DNAH7: variants seen among roughly 807,000 people sequenced by gnomAD.
The protein encoded by DNAH7 is dynein axonemal heavy chain 7, also known as axonemal beta dynein heavy chain 7.
In DNAH7, 397 loss-of-function variants were observed where a neutral mutation model predicts 444.6. That is an observed-to-expected ratio of 0.89 (90% CI 0.82 to 0.97). The LOEUF is 0.97. Among genes scored for constraint, DNAH7 ranks in the 50% least tolerant of loss-of-function variants. The probability of loss-of-function intolerance (pLI) is 0.00; values close to 1 mark genes in which losing one functional copy is unlikely to be tolerated. For synonymous variants in DNAH7, 1,636 were observed against 1,624.4 expected, an observed-to-expected ratio of 1.01 and a Z score of -0.17; for missense variants, 4,902 against 4,800.8, an observed-to-expected ratio of 1.02 and a Z score of -0.62.
intron 12 of DNAH7, among the ~76,000 whole-genome samples, 200 bp from the exon 13 acceptor site, chr2:195,988,429 T>C (rs1693073293): frequency 6.6e-6 from 1 of 152,096 alleles, no homozygotes; most frequent in African/African-American, 2.4e-5. Flanking sequence ...TAATTTTTTG[T>C]TTTCTTTAAG....
Position 195,888,303 on chromosome 2 carries a change from G to T in DNAH7, c.5361C>A (p.Asp1787Glu). The change falls in exon 33 of 65, where the codon GAC becomes GAA. Residue 1787 changes from aspartate to glutamate, a missense_variant. Transcript: ENST00000312428. ...IQKEFIMGLF[D>E]RMVPVSVEFI... is the part of the protein sequence containing the mutation. ...ATTCAACCGAAACAGGGACCATTCT[G>T]TCAAATAAGCCCATTATGAATTCCT... The T allele has an allele frequency of 6.2e-7, 1 of 1,610,912 alleles. No individual in the cohort carries two copies. Among genetic ancestry groups the T allele is most frequent in the Non-Finnish European group, 8.5e-7 (1 of 1,178,834 alleles).
At position 195,988,095 on chromosome 2, in the gene DNAH7, C is replaced by T; in HGVS notation, c.1488G>A (p.Lys496=). 7 of 1,613,736 alleles carry T rather than the reference C, an allele frequency of 4.3e-6. No homozygotes were observed. Among genetic ancestry groups the T allele is most frequent in the Non-Finnish European group, 5.1e-6 (6 of 1,179,790 alleles). The part of the protein sequence containing the change: ...APTEHLRLYD[K]YDFLITRKAE... ...CTTTTCTGGTAATTAAAAAGTCATA[C>T]TTGTCATAGAGTCTGAGGTGCTCAG... Residue 496 remains lysine, a synonymous_variant, in exon 13 of 65, where the codon AAG becomes AAA. Coordinates refer to ENST00000312428, the MANE Select transcript of DNAH7 (RefSeq NM_018897.3).
At chr2:196,033,627 T>C (rs1696199154) in intron 5 of DNAH7, among the ~76,000 whole-genome samples, 1 of 152,194 alleles carries the variant, frequency 6.6e-6, no homozygotes, top group African/African-American at 2.4e-5. Context: ...AAAATTTCCC[T>C]TTTTTAAGGC....
At chr2:195,819,448 G>A (rs1311786792) in intron 49 of DNAH7, among the ~76,000 whole-genome samples, 1 of 152,086 alleles carries the variant, frequency 6.6e-6, no homozygotes, top group African/African-American at 2.4e-5. Context: ...TCATAGAGTT[G>A]CTCTCTGCTA....
At chr2:195,762,132 T>C (rs1175597610) in intron 61 of DNAH7, among the ~76,000 whole-genome samples, 1 of 152,156 alleles carries the variant, frequency 6.6e-6, no homozygotes, top group African/African-American at 2.4e-5. Context: ...AGGTTTCTCT[T>C]TGCTTGTTTC....
intron 48 of DNAH7, among the ~76,000 whole-genome samples, chr2:195,830,635 C>T (rs967587975): frequency 6.6e-5 from 10 of 152,058 alleles, no homozygotes; most frequent in East Asian, 3.9e-4. Flanking sequence ...TTGAAGGGGT[C>T]GAGATGTCAC....
At chr2:195,877,174 A>C (rs142486993) in intron 36 of DNAH7, among the ~76,000 whole-genome samples, 204 of 152,346 alleles carry the variant, frequency 1.3e-3, no homozygotes, top group Non-Finnish European at 2.2e-3. Context: ...GTTCTTAATC[A>C]AGATGTATGC....
chr2:195,978,876 T>A (rs192888286), intron 15 of DNAH7, among the ~76,000 whole-genome samples: 7 of 152,238 alleles, frequency 4.6e-5, no homozygotes, highest in African/African-American at 1.7e-4. Flanking sequence ...GAGGATATAA[T>A]AATTGAAGAT....
chr2:196,053,426 G>A (rs1697608366), intron 2 of DNAH7, among the ~76,000 whole-genome samples: 1 of 152,200 alleles, frequency 6.6e-6, no homozygotes, highest in South Asian at 2.1e-4. Flanking sequence ...GCTCTCAATG[G>A]CATCTTAGTT....
At chr2:195,786,876 T>A (rs1695648843) in intron 58 of DNAH7, 134 bp downstream of exon 58, 1 of 859,344 alleles carries the variant, frequency 1.2e-6, no homozygotes, top group Non-Finnish European at 1.7e-6. Flanking sequence ...TACTACTTAA[T>A]AAGCTGTTGG....
intron 61 of DNAH7, among the ~76,000 whole-genome samples, chr2:195,769,952 T>A (rs537616125): frequency 1.4e-4 from 21 of 152,332 alleles, no homozygotes; most frequent in African/African-American, 5.0e-4. Flanking sequence ...ACCAGGCATT[T>A]CAAAATTAAT....
intron 12 of DNAH7, among the ~76,000 whole-genome samples, chr2:195,989,788 T>TCTCCTG (rs1294114144): frequency 1.3e-5 from 2 of 152,204 alleles, no homozygotes; most frequent in East Asian, 1.9e-4. Flanking sequence ...CACTCCAGTC[T>TCTCCTG]CTCCTGCTCC....
intron 1 of DNAH7, among the ~76,000 whole-genome samples, chr2:196,068,069 G>A (rs1698524794): frequency 6.6e-6 from 1 of 152,164 alleles, no homozygotes; most frequent in African/African-American, 2.4e-5. Context: ...GAAAAAAAGA[G>A]AAAGAAAAGC....
At chr2:195,827,393 T>G in intron 48 of DNAH7, among the ~76,000 whole-genome samples, 1 of 151,706 alleles carries the variant, frequency 6.6e-6, no homozygotes, top group East Asian at 1.9e-4. Context: ...TCTTCCCACC[T>G]CAGCCTCCTG....
At chr2:195,858,425 T>C in intron 43 of DNAH7, 49 bp downstream of exon 43, 1 of 1,426,502 alleles carries the variant, frequency 7.0e-7, no homozygotes, top group Non-Finnish European at 9.4e-7. Flanking sequence ...AATTTCTTTC[T>C]TGGGCTATGA....
chr2:195,956,645 T>C (rs2125508005), intron 19 of DNAH7, among the ~76,000 whole-genome samples: 1 of 130,584 alleles, frequency 7.7e-6, no homozygotes, highest in African/African-American at 3.9e-5. Context: ...AGCGAGACTC[T>C]GTCTCAAAAA....
At chr2:196,066,382 AC>A (rs1474060115) in intron 1 of DNAH7, among the ~76,000 whole-genome samples, 1 of 152,236 alleles carries the variant, frequency 6.6e-6, no homozygotes, top group Non-Finnish European at 1.5e-5. Flanking sequence ...CATTTCAAAA[AC>A]ATGATGAAGG....
chr2:196,062,868 C>T (rs1380745997), intron 1 of DNAH7, among the ~76,000 whole-genome samples: 1 of 151,990 alleles, frequency 6.6e-6, no homozygotes, highest in African/African-American at 2.4e-5. Flanking sequence ...CTGTTAATGG[C>T]AGCATGGTTT....
At chr2:195,747,751 T>G (rs554025036) in intron 63 of DNAH7, among the ~76,000 whole-genome samples, 2 of 152,068 alleles carry the variant, frequency 1.3e-5, no homozygotes, top group African/African-American at 4.8e-5. Context: ...ATTATCTCAA[T>G]AGATGCAGAA....
Sources: allele counts gnomAD v4.1 joint callset (sites outside exome capture counted in the v4.1 genomes callset), GRCh38; gene constraint gnomAD v4.1.1; transcripts MANE v1.5; gene names NCBI Gene and HGNC (gene_info 2026-07-23, HGNC 2026-07-21).